Variants in ANO1 observed in about 807,000 individuals in gnomAD.
The protein encoded by ANO1 is anoctamin-1.
A neutral mutation model predicts 124.0 loss-of-function variants in ANO1; 59 were observed. The ratio of observed to expected loss-of-function variants is 0.48; its 90% CI spans 0.39 to 0.59. The LOEUF (loss-of-function observed/expected upper bound fraction) is 0.59, where lower values mean the gene tolerates loss of function less well. Ranked by LOEUF, ANO1 falls within the 20% of genes least tolerant of loss-of-function variation. The pLI, the probability that ANO1 is intolerant of heterozygous loss-of-function variation, is 0.00. For synonymous variants in ANO1, 529 were observed against 532.0 expected (o/e 0.99, Z 0.08); for missense variants, 1,059 against 1,328.0 (o/e 0.80, Z 3.15).
chr11:70,032,024 C>A (rs1464119330), intron 1 of ANO1, among the ~76,000 whole-genome samples: 2 of 152,202 alleles, frequency 1.3e-5, no homozygotes, highest in African/African-American at 2.4e-5. Context: ...CTGTGATAGG[C>A]CCTCTGCAGG....
chr11:70,059,984 C>G (rs6591898), intron 1 of ANO1, among the ~76,000 whole-genome samples: 79,867 of 124,950 alleles, frequency 0.64, 25,589 homozygotes, highest in East Asian at 0.92. Context: ...TTGCTGTCCT[C>G]TTGGCATAGA....
intron 1 of ANO1, among the ~76,000 whole-genome samples, chr11:70,068,273 T>C (rs1793310588): frequency 6.6e-6 from 1 of 152,236 alleles, no homozygotes. Flanking sequence ...CAGGGGTTGG[T>C]TGAATCGGGT....
intron 1 of ANO1, among the ~76,000 whole-genome samples, chr11:69,995,784 T>C (rs1856258054): frequency 6.6e-6 from 1 of 152,280 alleles, no homozygotes; most frequent in East Asian, 1.9e-4. Context: ...TTCTCCACCG[T>C]CAGGTTACTA....
At chr11:70,134,193 G>A (rs553954707) in intron 11 of ANO1, among the ~76,000 whole-genome samples, 3 of 152,186 alleles carry the variant, frequency 2.0e-5, no homozygotes, top group East Asian at 1.9e-4. Flanking sequence ...TCTCATGAGC[G>A]CTTCCTCCAC....
chr11:70,140,549 G>T (rs899246926), intron 11 of ANO1, among the ~76,000 whole-genome samples: 1 of 151,674 alleles, frequency 6.6e-6, no homozygotes, highest in African/African-American at 2.4e-5. Flanking sequence ...AAAAAAAGAA[G>T]AAGAAGAAGA....
intron 11 of ANO1, among the ~76,000 whole-genome samples, chr11:70,132,351 A>T (rs1037972982): frequency 5.9e-5 from 9 of 152,114 alleles, no homozygotes; most frequent in Non-Finnish European, 2.9e-5. Context: ...TCCTGACACC[A>T]GGGTATGCTG....
At position 70,126,210 on chromosome 11, in the gene ANO1, ACCC is replaced by A. The variant is rs1457560220; in HGVS notation, c.1097+18_1097+20del. On this transcript the variant is annotated intron_variant, in intron 10 of 25. Transcript: ENST00000355303. The stretch of plus-strand genomic sequence containing the variant: ...AACATCCCCAGGTAGGCGGCAGCCC[ACCC>A]CCACCACCCCGCAGTACACAGAGGA... 3 of 1,579,426 alleles carry A rather than the reference ACCC, an allele frequency of 1.9e-6. No individual in the cohort carries two copies. The highest frequency in any genetic ancestry group is 1.7e-5 in the Admixed American group (1 of 59,186).
At chr11:70,150,234 TC>T (rs1006918603) in intron 12 of ANO1, among the ~76,000 whole-genome samples, 2 of 152,174 alleles carry the variant, frequency 1.3e-5, no homozygotes, top group African/African-American at 4.8e-5. Context: ...TGGAGCCAGC[TC>T]TGTGCCTGCA....
chr11:70,165,418 G>A, intron 19 of ANO1, 52 bp from the exon 20 acceptor site: 1 of 1,483,144 alleles, frequency 6.7e-7, no homozygotes, highest in Non-Finnish European at 9.2e-7. Flanking sequence ...CAGGGCTGGG[G>A]TCCCTCTCTC....
intron 8 of ANO1, among the ~76,000 whole-genome samples, chr11:70,122,929 T>C (rs545072099): frequency 6.6e-6 from 1 of 152,318 alleles, no homozygotes; most frequent in Admixed American, 6.5e-5. Context: ...TTCATCAAGG[T>C]TTGCTGGCCG....
At chr11:69,968,494 G>T in the ANO1 span, among the ~76,000 whole-genome samples, 1 of 152,234 alleles carries the variant, frequency 6.6e-6, no homozygotes, top group Non-Finnish European at 1.5e-5. Flanking sequence ...AAGACAGAGG[G>T]AGGAGGAATG....
intron 11 of ANO1, among the ~76,000 whole-genome samples, chr11:70,140,767 C>G (rs1037843792): frequency 5.9e-5 from 9 of 152,192 alleles, no homozygotes; most frequent in African/African-American, 2.2e-4. Flanking sequence ...ATTATTATCT[C>G]TAAAGCGAAA....
chr11:70,064,410 G>A (rs1204286258), intron 1 of ANO1: 12 of 152,242 alleles, frequency 7.9e-5, no homozygotes, highest in African/African-American at 2.9e-4. Flanking sequence ...CTTGCTCTTA[G>A]CCTTTTTCTC....
chr11:70,105,295 C>T (rs2045474078), intron 4 of ANO1, among the ~76,000 whole-genome samples: 1 of 152,242 alleles, frequency 6.6e-6, no homozygotes, highest in Admixed American at 6.5e-5. Context: ...TGCAGCCCAT[C>T]AGGACCCAAA....
rs76789426 is a variant in ANO1 at position 70,038,718 on chromosome 11, A to G, written c.59-39824A>G. Among the ~76,000 whole-genome samples, 1,185 of 152,286 alleles carry G rather than the reference A, an allele frequency of 7.8e-3. 13 individuals are homozygous for G. The highest frequency in any genetic ancestry group is 0.026 in the African/African-American group (1,099 of 41,564). On this transcript the variant is annotated intron_variant, in intron 1 of 27. Coordinates refer to the ANO1 transcript ENST00000531349. ...AAGAAACACATTTGGATTCTCAGCA[A>G]TGCAGGGGAGAAGGAGAGACTTTCA...
At chr11:70,025,881 GTGATGATGGTGATGATGA>G (rs1417369023) in intron 1 of ANO1, among the ~76,000 whole-genome samples, 2 of 118,648 alleles carry the variant, frequency 1.7e-5, no homozygotes, top group Non-Finnish European at 3.7e-5. Context: ...GATGGTGGTG[GTGATGATGGTGATGATGA>G]TGATGATGGT....
chr11:70,122,090 C>T (rs1264692268), intron 8 of ANO1, among the ~76,000 whole-genome samples: 2 of 96,422 alleles, frequency 2.1e-5, no homozygotes, highest in Non-Finnish European at 4.2e-5. Context: ...TCTCTCTCTC[C>T]GTCTCCCCCA....
chr11:70,131,328 T>C (rs1272839960), intron 10 of ANO1, among the ~76,000 whole-genome samples: 1 of 150,408 alleles, frequency 6.6e-6, no homozygotes, highest in African/African-American at 2.5e-5. Context: ...TGTGTGTGTG[T>C]GTGTGCGCGT....
chr11:70,124,827 C>G (rs111965711), intron 9 of ANO1, among the ~76,000 whole-genome samples: 1 of 152,192 alleles, frequency 6.6e-6, no homozygotes, highest in Non-Finnish European at 1.5e-5. Flanking sequence ...GCAACTTGCC[C>G]GCCAGAGCTC....
Sources: allele counts gnomAD v4.1 joint callset (sites outside exome capture counted in the v4.1 genomes callset), GRCh38; gene constraint gnomAD v4.1.1; transcripts MANE v1.5; gene names NCBI Gene and HGNC (gene_info 2026-07-23, HGNC 2026-07-21).